The following TXLNA variants were observed in gnomAD, a reference collection of about 807,000 sequenced individuals.
TXLNA encodes taxilin alpha, also known as alpha-taxilin.
A neutral mutation model predicts 61.4 loss-of-function variants in TXLNA; 9 were observed. The observed-to-expected ratio is 0.15, with a 90% CI of 0.09 to 0.26. The LOEUF (loss-of-function observed/expected upper bound fraction) is 0.26, where lower values mean the gene tolerates loss of function less well. Among genes scored for constraint, TXLNA ranks in the 10% least tolerant of loss-of-function variants. The pLI, the probability that TXLNA is intolerant of heterozygous loss-of-function variation, is 1.00. For synonymous variants in TXLNA, 257 were observed against 267.7 expected (o/e 0.96, Z 0.39); for missense variants, 565 against 688.8 (o/e 0.82, Z 2.01).
chr1:32,188,039 G>C lies in TXLNA; in HGVS notation c.683G>C (p.Arg228Pro). 1 of 1,609,604 alleles carries C rather than the reference G, an allele frequency of 6.2e-7. No individual in the cohort carries two copies. Among genetic ancestry groups the C allele is most frequent in the Non-Finnish European group, 8.5e-7 (1 of 1,177,970 alleles). Residue 228 changes from arginine (R) to proline (P), a missense_variant, in exon 5 of 11, where the codon CGC becomes CCC. By Grantham distance (103) the Arg-to-Pro change is moderately radical. Transcript: ENST00000373610. ...SQLVQEKDHL[R>P]GEHSKAVLAR... Reference sequence around the variant, plus strand: ...CTGGTGCAAGAGAAGGACCACCTGCGCGGTGAGCACAGCAAGGCCGTCCTG... The same window carrying C: ...CTGGTGCAAGAGAAGGACCACCTGCCCGGTGAGCACAGCAAGGCCGTCCTG...
chr1:32,192,473 C>G lies in TXLNA; in HGVS notation c.1083+43C>G, dbSNP rs373654428. On this transcript the variant is annotated intron_variant, in intron 7 of 10. Transcript: ENST00000373610. This position sits in a 1 kb window ranked among gnomAD's most constrained non-coding sequence, Gnocchi z 4.2. ...GGGTTGGGGTGGGGGTGGGAGGAGA[C>G]AGGCTGGGCTCTGGCTCAGCTCATA... 16 of 1,608,166 alleles carry G rather than the reference C, an allele frequency of 9.9e-6. No individual in the cohort carries two copies. Among genetic ancestry groups the G allele is most frequent in the African/African-American group, 2.7e-5 (2 of 74,628 alleles).
Position 32,192,602 on chromosome 1 carries a change from C to T in TXLNA, c.1084-55C>T. The T allele has an allele frequency of 5.0e-6, 8 of 1,608,716 alleles. No individual in the cohort carries two copies. In the South Asian group the frequency reaches 8.8e-5, roughly 18 times the overall value. ...GGGTCTGGTGCTTGTGGCTAAAAACCAAACATAGCCCCTGGGGGCTTCTGA... is the reference window on the plus strand; with the variant it reads ...GGGTCTGGTGCTTGTGGCTAAAAACTAAACATAGCCCCTGGGGGCTTCTGA... On this transcript the variant is annotated intron_variant, in intron 7 of 10. Coordinates refer to ENST00000373610, the MANE Select transcript of TXLNA (RefSeq NM_175852.4). This position sits in a 1 kb window ranked among gnomAD's most constrained non-coding sequence, Gnocchi z 4.2.
In TXLNA at chr1:32,193,283, A is replaced by C; in HGVS notation, c.1234A>C (p.Lys412Gln). Residue 412 changes from lysine (K) to glutamine (Q), a missense_variant, in exon 9 of 11, where the codon AAG becomes CAG. Lys to Gln is a moderately conservative substitution (Grantham distance 53). Transcript: ENST00000373610. ...SKSSEVFTTF[K>Q]QEMEKMTKKI... is the part of the protein sequence containing the mutation. ...AAGCAGCGAGGTATTCACCACATTC[A>C]AGCAGGAGATGGAAAAGGTAACTGT... 6.2e-7 allele frequency: 1 copy of C among 1,613,318 alleles called. No individual in the cohort carries two copies. Among genetic ancestry groups the C allele is most frequent in the Non-Finnish European group, 8.5e-7 (1 of 1,179,568 alleles).
intron 10 of TXLNA, 151 bp downstream of exon 10, chr1:32,194,311 C>T (rs1017529800): frequency 9.3e-5 from 63 of 677,986 alleles, no homozygotes; most frequent in Non-Finnish European, 1.4e-4. Flanking sequence ...TAATGCTGTT[C>T]TCTCCCCATG....
chr1:32,184,724 G>C (rs867399856), intron 4 of TXLNA, 108 bp downstream of exon 4: 3 of 673,642 alleles, frequency 4.5e-6, no homozygotes, highest in Middle Eastern at 8.4e-4. Context: ...TTCCTGTTCA[G>C]CTTTTCTCTG....
rs1643034478 is a variant in TXLNA at position 32,196,752 on chromosome 1, C to T, written c.*1557C>T. On this transcript the variant is annotated 3_prime_UTR_variant, in exon 11 of 11. Coordinates refer to ENST00000373610, the MANE Select transcript of TXLNA (RefSeq NM_175852.4). ...AGCTAGTTCATTGTCCTGCAGGTCC[C>T]TTCATCTTCCATACCTAGCCCACTC... 1 of 152,248 alleles carries T rather than the reference C, an allele frequency of 6.6e-6. No individual in the cohort carries two copies. Among genetic ancestry groups the T allele is most frequent in the Non-Finnish European group, 1.5e-5 (1 of 68,070 alleles). The allele number at this position is 152,248 out of a possible 1,614,324, so 9.4% of individuals were successfully genotyped here.
chr1:32,192,466 G>A lies in TXLNA; in HGVS notation c.1083+36G>A. On this transcript the variant is annotated intron_variant, in intron 7 of 10. Transcript: ENST00000373610. This position sits in a 1 kb window ranked among gnomAD's most constrained non-coding sequence, Gnocchi z 4.2. Reference sequence around the variant, plus strand: ...GGCCCCAGGGTTGGGGTGGGGGTGGGAGGAGACAGGCTGGGCTCTGGCTCA... The same window carrying A: ...GGCCCCAGGGTTGGGGTGGGGGTGGAAGGAGACAGGCTGGGCTCTGGCTCA... The A allele has an allele frequency of 1.2e-6, 2 of 1,610,852 alleles. No homozygotes were observed. The highest frequency in any genetic ancestry group is 1.7e-6 in the Non-Finnish European group (2 of 1,177,486).
intron 3 of TXLNA, among the ~76,000 whole-genome samples, chr1:32,183,422 C>CG (rs1229715454): frequency 5.3e-5 from 7 of 133,282 alleles, no homozygotes; most frequent in African/African-American, 2.1e-4. Flanking sequence ...CCGTACCCTG[C>CG]CTTTTTTTTT....
chr1:32,192,289 G>C lies in TXLNA; in HGVS notation c.964-22G>C, dbSNP rs111872940. On this transcript the variant is annotated intron_variant, in intron 6 of 10. Coordinates refer to ENST00000373610, the MANE Select transcript of TXLNA (RefSeq NM_175852.4). The surrounding 1 kb of genome is among the most constrained non-coding windows in gnomAD (Gnocchi z 4.2). ...AAAGGGAGCGCCTGACAAGCCGACT[G>C]CTCCCACCATCTTTGTTGCAGCATA... 3 of 1,611,708 alleles carry C rather than the reference G, an allele frequency of 1.9e-6. No individual in the cohort carries two copies. Among genetic ancestry groups the C allele is most frequent in the Non-Finnish European group, 2.5e-6 (3 of 1,178,198 alleles).
At chr1:32,184,434 AG>A in intron 3 of TXLNA, 90 bp from the exon 4 acceptor site, 1 of 794,050 alleles carries the variant, frequency 1.3e-6, no homozygotes, top group Non-Finnish European at 2.2e-6. Flanking sequence ...TATGATGGGG[AG>A]GGCTGTCTTC....
Position 32,188,112 on chromosome 1 carries a change from C to T in TXLNA, c.756C>T (p.Asn252=), listed in dbSNP as rs1310411108. Residue 252 remains asparagine, a synonymous_variant, in exon 5 of 11, where the codon AAC becomes AAT. Coordinates refer to ENST00000373610, the MANE Select transcript of TXLNA (RefSeq NM_175852.4). ...TATGCCGTGAGCTGCAGCGGCACAA[C>T]CGCTCCCTCAAGGTAGGCCTGGGCC... The part of the protein sequence containing the change: ...ESLCRELQRH[N]RSLKEEGVQR... The T allele has an allele frequency of 4.5e-6, 7 of 1,561,772 alleles. No homozygotes were observed. The highest frequency in any genetic ancestry group is 6.1e-6 in the Non-Finnish European group (7 of 1,152,056).
intron 3 of TXLNA, among the ~76,000 whole-genome samples, chr1:32,184,164 GC>G (rs1459778818): frequency 6.6e-6 from 1 of 152,200 alleles, no homozygotes; most frequent in East Asian, 1.9e-4. Context: ...GGCCTTCCTT[GC>G]ATTGAAACAG....
At position 32,181,348 on chromosome 1, in the gene TXLNA, G is replaced by C; in HGVS notation, c.276G>C (p.Gln92His). The C allele has an allele frequency of 6.2e-7, 1 of 1,614,190 alleles. No individual in the cohort carries two copies. The highest frequency in any genetic ancestry group is 8.5e-7 in the Non-Finnish European group (1 of 1,180,050). Residue 92 changes from glutamine to histidine, a missense_variant, in exon 3 of 11, where the codon CAG becomes CAC. By Grantham distance (24) the Gln-to-His change is conservative (BLOSUM62 0). Around this residue, in one of 2 missense-constraint regions of TXLNA, gnomAD observed 192 missense variants for 184.8 expected, o/e 1.04. Coordinates refer to ENST00000373610, the MANE Select transcript of TXLNA (RefSeq NM_175852.4). ...ILSTYCVDNN[Q>H]GGPGEDGAQG... Reference sequence around the variant, plus strand: ...GCACATACTGTGTGGACAATAACCAGGGGGGCCCCGGCGAGGATGGGGCAC... The same window carrying C: ...GCACATACTGTGTGGACAATAACCACGGGGGCCCCGGCGAGGATGGGGCAC...
intron 4 of TXLNA, among the ~76,000 whole-genome samples, chr1:32,184,828 A>G (rs543892541): frequency 6.6e-6 from 1 of 152,346 alleles, no homozygotes; most frequent in Non-Finnish European, 1.5e-5. Flanking sequence ...GAAATTTCTC[A>G]AAGAATGATT....
At chr1:32,189,560 C>T (rs1419559732) in intron 5 of TXLNA, among the ~76,000 whole-genome samples, 2 of 147,462 alleles carry the variant, frequency 1.4e-5, no homozygotes, top group Non-Finnish European at 1.5e-5. Flanking sequence ...TTTTTGGGGA[C>T]GGAGTCTTGC....
intron 5 of TXLNA, among the ~76,000 whole-genome samples, chr1:32,189,481 C>T (rs1315374158): frequency 6.6e-6 from 1 of 151,652 alleles, no homozygotes; most frequent in Admixed American, 6.6e-5. Context: ...GGAGATCCGA[C>T]TTGCTTCAGA....
In TXLNA at chr1:32,197,755, A is replaced by AG. The variant is rs1433483409; in HGVS notation, c.*2563dup. ...GCTCTGCTAATAGTAAATTGTTTTC[A>AG]GGGCCTTGTCCAGCTGAGAGCTTCA... On this transcript the variant is annotated 3_prime_UTR_variant, in exon 11 of 11. Transcript: ENST00000373610. This position sits in a 1 kb window ranked among gnomAD's most constrained non-coding sequence, Gnocchi z 4.6. 1 of 152,082 alleles carries AG rather than the reference A, an allele frequency of 6.6e-6. No homozygotes were observed. Among genetic ancestry groups the AG allele is most frequent in the Non-Finnish European group, 1.5e-5 (1 of 68,044 alleles). The allele number at this position is 152,082 out of a possible 1,614,324, so 9.4% of individuals were successfully genotyped here. A position where few individuals can be genotyped will look rare whatever the true frequency, so the allele number is the denominator to read the frequency against.
intron 1 of TXLNA, 26 bp downstream of exon 1, chr1:32,179,802 G>A (rs1213485181): frequency 6.6e-6 from 1 of 152,456 alleles, no homozygotes; most frequent in Non-Finnish European, 1.5e-5. Flanking sequence ...GCCGGTGGGC[G>A]AGACTATTTG....
intron 6 of TXLNA, among the ~76,000 whole-genome samples, chr1:32,191,360 G>T (rs538953015): frequency 6.6e-6 from 1 of 152,142 alleles, no homozygotes; most frequent in Non-Finnish European, 1.5e-5. Context: ...AGTGATGATC[G>T]TGTGTGCAGG....
Sources: allele counts gnomAD v4.1 joint callset (sites outside exome capture counted in the v4.1 genomes callset), GRCh38; gene constraint gnomAD v4.1.1; regional missense constraint gnomAD v4.1.1; non-coding constraint Gnocchi (gnomAD v3.1); transcripts MANE v1.5; gene names NCBI Gene and HGNC (gene_info 2026-07-23, HGNC 2026-07-21).